Variants in TRIM2 observed in about 807,000 individuals in gnomAD.
TRIM2 encodes the protein tripartite motif containing 2.
TRIM2 carries 20 observed loss-of-function variants against 75.2 expected under a neutral mutation model. The observed-to-expected ratio is 0.27, with a 90% CI of 0.19 to 0.39. The LOEUF is 0.39. Among genes scored for constraint, TRIM2 ranks in the 10% least tolerant of loss-of-function variants. The pLI, the probability that TRIM2 is intolerant of heterozygous loss-of-function variation, is 1.00. For synonymous variants in TRIM2, 373 were observed against 388.3 expected, an observed-to-expected ratio of 0.96 and a Z score of 0.46; for missense variants, 660 against 990.8, an observed-to-expected ratio of 0.67 and a Z score of 4.48.
intron 1 of TRIM2, among the ~76,000 whole-genome samples, chr4:153,192,437 T>C (rs1206602631): frequency 6.6e-6 from 1 of 151,482 alleles, no homozygotes; most frequent in Non-Finnish European, 1.5e-5. Flanking sequence ...CAAAACCCCA[T>C]CTCTACAAAA....
chr4:153,163,946 AC>A (rs1377489522), intron 1 of TRIM2, among the ~76,000 whole-genome samples: 1 of 152,168 alleles, frequency 6.6e-6, no homozygotes, highest in African/African-American at 2.4e-5. Flanking sequence ...AAACAAAAAA[AC>A]TGTTATTAAT....
At chr4:153,201,713 AAG>A (rs1241714307), upstream of TRIM2, among the ~76,000 whole-genome samples, 5 of 152,144 alleles carry the variant, frequency 3.3e-5, no homozygotes, top group Non-Finnish European at 7.3e-5. Flanking sequence ...GAAAAAAAGA[AAG>A]AAAAAATTTA....
intron 6 of TRIM2, among the ~76,000 whole-genome samples, chr4:153,314,519 A>G (rs1057186640): frequency 6.6e-6 from 1 of 151,706 alleles, no homozygotes; most frequent in East Asian, 1.9e-4. Flanking sequence ...AGGCTGACAC[A>G]GGAGCATCGC....
intron 4 of TRIM2, 106 bp downstream of exon 4, chr4:153,293,239 T>C: frequency 8.5e-7 from 1 of 1,180,590 alleles, no homozygotes; most frequent in Non-Finnish European, 1.2e-6. Flanking sequence ...CCTTGAGATA[T>C]CAGGCTTTGT....
intron 2 of TRIM2, among the ~76,000 whole-genome samples, chr4:153,273,239 C>G (rs988697506): frequency 6.7e-5 from 10 of 148,194 alleles, no homozygotes; most frequent in Non-Finnish European, 1.3e-4. Context: ...GACATTCATA[C>G]TGGCTACTCA....
At chr4:153,157,887 C>T (rs985150684) in intron 1 of TRIM2, among the ~76,000 whole-genome samples, 3 of 152,218 alleles carry the variant, frequency 2.0e-5, no homozygotes, top group Non-Finnish European at 4.4e-5. Flanking sequence ...TATTCCTGTC[C>T]TCTTTTCCAG....
chr4:153,283,518 A>C (rs1273772964), intron 3 of TRIM2, among the ~76,000 whole-genome samples: 1 of 152,160 alleles, frequency 6.6e-6, no homozygotes, highest in African/African-American at 2.4e-5. Context: ...GTGAACATTC[A>C]TGTACATGTT....
chr4:153,165,019 A>C (rs1437679372), intron 1 of TRIM2, among the ~76,000 whole-genome samples: 1 of 151,896 alleles, frequency 6.6e-6, no homozygotes, highest in Non-Finnish European at 1.5e-5. Context: ...CAGATATGTC[A>C]CGATTATTAA....
At chr4:153,197,210 T>A (rs1733867352) in intron 1 of TRIM2, among the ~76,000 whole-genome samples, 1 of 152,184 alleles carries the variant, frequency 6.6e-6, no homozygotes, top group Non-Finnish European at 1.5e-5. Flanking sequence ...GTAGTAAGTT[T>A]AATGGAATGA....
intron 1 of TRIM2, among the ~76,000 whole-genome samples, chr4:153,165,757 T>G (rs1302719754): frequency 2.6e-5 from 4 of 152,216 alleles, no homozygotes; most frequent in Non-Finnish European, 5.9e-5. Context: ...CCATTGCTGC[T>G]GGGTCCTCCA....
chr4:153,323,688 T>C (rs1769492921), intron 9 of TRIM2, among the ~76,000 whole-genome samples: 1 of 152,190 alleles, frequency 6.6e-6, no homozygotes, highest in East Asian at 1.9e-4. Flanking sequence ...TCTTTTCCAA[T>C]GCTGAGTTGC....
At chr4:153,317,179 C>T (rs1382319479) in intron 8 of TRIM2, among the ~76,000 whole-genome samples, 2 of 150,832 alleles carry the variant, frequency 1.3e-5, no homozygotes, top group East Asian at 2.0e-4. Context: ...CACGCCTGGC[C>T]GCATTATGCC....
At chr4:153,251,500 T>A (rs538402068) in intron 1 of TRIM2, among the ~76,000 whole-genome samples, 130 of 152,378 alleles carry the variant, frequency 8.5e-4, no homozygotes, top group African/African-American at 2.9e-3. Context: ...AAAGTTTTTA[T>A]GTTTGTTTTT....
Position 153,328,675 on chromosome 4 carries a change from A to C in TRIM2, c.2163+5A>C, listed in dbSNP as rs1383243439. 1 of 1,605,702 alleles carries C rather than the reference A, an allele frequency of 6.2e-7. No homozygotes were observed. The highest frequency in any genetic ancestry group is 1.3e-5 in the African/African-American group (1 of 74,496). On this transcript the variant is annotated splice_donor_5th_base_variant and intron_variant, in intron 11 of 11. Transcript: ENST00000338700. The stretch of plus-strand genomic sequence containing the variant: ...TGGGGAAACAGCAGGATCCAGGTAG[A>C]TCAATGTGCTAATGTATATGGTTAG...
rs150191115 is a variant in TRIM2 at position 153,329,508 on chromosome 4, A to T, written c.2163+838A>T. Among the ~76,000 whole-genome samples the T allele has an allele frequency of 3.2e-3, 486 of 151,794 alleles. 4 individuals are homozygous for T. Among genetic ancestry groups the T allele is most frequent in the Non-Finnish European group, 3.2e-3 (220 of 67,964 alleles). On this transcript the variant is annotated intron_variant, in intron 11 of 11. Coordinates refer to ENST00000338700, the MANE Select transcript of TRIM2 (RefSeq NM_015271.5). Reference sequence around the variant, plus strand: ...TGCCATCTCAAGAAGCTAGAAAGAAAAGAGCAAACCCCAAACAAGCAGAAG... The same window carrying T: ...TGCCATCTCAAGAAGCTAGAAAGAATAGAGCAAACCCCAAACAAGCAGAAG...
intron 9 of TRIM2, among the ~76,000 whole-genome samples, chr4:153,323,385 A>G (rs550845303): frequency 5.6e-4 from 86 of 152,364 alleles, no homozygotes; most frequent in African/African-American, 2.0e-3. Context: ...GGCACTTAGT[A>G]TTAATTTGCA....
chr4:153,154,887 C>T (rs2149584037), intron 1 of TRIM2, among the ~76,000 whole-genome samples: 1 of 152,258 alleles, frequency 6.6e-6, no homozygotes, highest in Middle Eastern at 3.4e-3. Context: ...CGCCTGTATT[C>T]CCAGCACTTT....
At chr4:153,177,337 C>T (rs1317698254) in intron 1 of TRIM2, among the ~76,000 whole-genome samples, 1 of 152,200 alleles carries the variant, frequency 6.6e-6, no homozygotes, top group Admixed American at 6.5e-5. Context: ...AGTCTTTATT[C>T]TGGGTATTCC....
intron 6 of TRIM2, among the ~76,000 whole-genome samples, chr4:153,298,278 A>G (rs1379943374): frequency 6.6e-6 from 1 of 152,238 alleles, no homozygotes; most frequent in South Asian, 2.1e-4. Context: ...AAAATTCCAC[A>G]GTCTGAGTGA....
Sources: gnomAD v4.1 joint callset for allele counts (sites outside exome capture counted in the v4.1 genomes callset) on GRCh38, gnomAD v4.1.1 for gene constraint, MANE v1.5 for transcripts, NCBI Gene and HGNC (gene_info 2026-07-23, HGNC 2026-07-21) for gene names.